MAML3: variants seen among roughly 807,000 people sequenced by gnomAD.
MAML3 encodes the protein mastermind like transcriptional coactivator 3, also known as mastermind-like protein 3.
MAML3 carries 27 observed loss-of-function variants against 101.9 expected under a neutral mutation model. That is an observed-to-expected ratio of 0.27 (90% CI 0.20 to 0.37). The LOEUF is 0.37. MAML3 is among the 10% of genes least tolerant of loss of function. MAML3 has a pLI of 1.00. For synonymous variants in MAML3, 501 were observed against 555.9 expected (o/e 0.90, Z 1.39); for missense variants, 1,316 against 1,444.9 (o/e 0.91, Z 1.45).
At chr4:140,134,089 A>G (rs1728842493) in intron 1 of MAML3, 2 of 456,676 alleles carry the variant, frequency 4.4e-6, no homozygotes, top group South Asian at 1.5e-5. Context: ...AGGACTGGCT[A>G]TCTATGACTG....
intron 1 of MAML3, among the ~76,000 whole-genome samples, chr4:140,140,575 A>T (rs1417528841): frequency 6.6e-6 from 1 of 152,180 alleles, no homozygotes; most frequent in African/African-American, 2.4e-5. Context: ...GAAGGAAGCA[A>T]TAAGATGCTA....
chr4:139,953,301 C>A (rs1280684038), intron 1 of MAML3, among the ~76,000 whole-genome samples: 1 of 152,112 alleles, frequency 6.6e-6, no homozygotes, highest in Non-Finnish European at 1.5e-5. Flanking sequence ...GAATTTGTAT[C>A]GTAGGCATAT....
chr4:139,793,288 C>T (rs1414738913), intron 2 of MAML3, among the ~76,000 whole-genome samples: 2 of 152,092 alleles, frequency 1.3e-5, no homozygotes, highest in Admixed American at 6.6e-5. Context: ...TGTGACTGTG[C>T]GAACTCCCCG....
chr4:139,743,265 C>A (rs1729220518), intron 2 of MAML3, among the ~76,000 whole-genome samples: 1 of 152,206 alleles, frequency 6.6e-6, no homozygotes, highest in South Asian at 2.1e-4. Flanking sequence ...ACAGGAGGGG[C>A]AGGGTGATTA....
At chr4:139,839,878 C>T (rs1578625975) in intron 2 of MAML3, among the ~76,000 whole-genome samples, 1 of 152,088 alleles carries the variant, frequency 6.6e-6, no homozygotes, top group East Asian at 1.9e-4. Flanking sequence ...GCTGTGGAGG[C>T]TGCAGCTGCT....
At chr4:139,935,475 C>T (rs1054491288) in intron 1 of MAML3, among the ~76,000 whole-genome samples, 1 of 152,064 alleles carries the variant, frequency 6.6e-6, no homozygotes, top group Non-Finnish European at 1.5e-5. Flanking sequence ...GTTACTTGGG[C>T]AGTATCTTAA....
At chr4:139,898,846 G>A (rs931616923) in intron 1 of MAML3, among the ~76,000 whole-genome samples, 1 of 152,200 alleles carries the variant, frequency 6.6e-6, no homozygotes, top group African/African-American at 2.4e-5. Context: ...ATATTTTAAT[G>A]AGTAGAATAG....
intron 1 of MAML3, among the ~76,000 whole-genome samples, chr4:140,002,509 C>T (rs1734942835): frequency 6.6e-6 from 1 of 152,158 alleles, no homozygotes; most frequent in African/African-American, 2.4e-5. Flanking sequence ...AACTTTCTAT[C>T]AAATTTATTT....
At chr4:139,977,707 T>C (rs1282774034) in intron 1 of MAML3, among the ~76,000 whole-genome samples, 1 of 151,920 alleles carries the variant, frequency 6.6e-6, no homozygotes, top group Non-Finnish European at 1.5e-5. Flanking sequence ...ACCCCGTCTC[T>C]ACTAAAAATA....
At chr4:139,883,580 A>AGG in intron 2 of MAML3, among the ~76,000 whole-genome samples, 1 of 152,290 alleles carries the variant, frequency 6.6e-6, no homozygotes, top group East Asian at 1.9e-4. Context: ...TATGTTTGTC[A>AGG]GGAGGTAGTA....
intron 2 of MAML3, among the ~76,000 whole-genome samples, chr4:139,834,791 C>G (rs956646516): frequency 1.2e-4 from 19 of 152,066 alleles, no homozygotes; most frequent in African/African-American, 4.6e-4. Context: ...CTGTATCAAC[C>G]ACGGAGATGT....
In MAML3 at chr4:139,934,107, CTA is replaced by C. The variant is rs768442928; in HGVS notation, c.469-43142_469-43141del. On this transcript the variant is annotated intron_variant, in intron 1 of 4. Coordinates refer to ENST00000509479, the MANE Select transcript of MAML3 (RefSeq NM_018717.5). The stretch of plus-strand genomic sequence containing the variant: ...TATGAATGTGTGAATGAGTGTGTGT[CTA>C]TGTGTGTGAATACGTGTATGTGTGA... 5.1e-4 allele frequency among the ~76,000 whole-genome samples: 78 copies of C among 151,560 alleles called. 1 individual carries two copies. Among genetic ancestry groups the C allele is most frequent in the South Asian group, 6.3e-4 (3 of 4,786 alleles).
intron 2 of MAML3, among the ~76,000 whole-genome samples, chr4:139,783,654 C>A (rs536514062): frequency 6.6e-6 from 1 of 152,202 alleles, no homozygotes; most frequent in African/African-American, 2.4e-5. Context: ...GACTGTCTCT[C>A]GGCATCATTC....
chr4:140,146,256 C>T (rs1023256400), intron 1 of MAML3, among the ~76,000 whole-genome samples: 4 of 152,272 alleles, frequency 2.6e-5, no homozygotes, highest in East Asian at 3.9e-4. Flanking sequence ...CCTATCCATG[C>T]GTGCATGCGG....
At chr4:140,152,456 G>A (rs1335213111) in intron 1 of MAML3, among the ~76,000 whole-genome samples, 1 of 152,110 alleles carries the variant, frequency 6.6e-6, no homozygotes, top group Non-Finnish European at 1.5e-5. Flanking sequence ...GGGGAGGCGA[G>A]GCGGCGCGGC....
At chr4:139,985,338 A>C (rs1467865265) in intron 1 of MAML3, among the ~76,000 whole-genome samples, 1 of 152,244 alleles carries the variant, frequency 6.6e-6, no homozygotes, top group Non-Finnish European at 1.5e-5. Context: ...GGAAAACCTG[A>C]TCATGACCAT....
intron 1 of MAML3, among the ~76,000 whole-genome samples, chr4:140,059,075 A>C (rs1156377576): frequency 6.6e-6 from 1 of 152,216 alleles, no homozygotes; most frequent in Non-Finnish European, 1.5e-5. Flanking sequence ...TGCAGAGCAG[A>C]ATCAGAAGGC....
At chr4:139,898,808 T>C (rs1732661408) in intron 1 of MAML3, among the ~76,000 whole-genome samples, 1 of 152,230 alleles carries the variant, frequency 6.6e-6, no homozygotes, top group Non-Finnish European at 1.5e-5. Flanking sequence ...GCTTATGTAA[T>C]GAATGACCCA....
At chr4:140,045,134 G>A (rs1315709388) in intron 1 of MAML3, among the ~76,000 whole-genome samples, 1 of 152,170 alleles carries the variant, frequency 6.6e-6, no homozygotes, top group Non-Finnish European at 1.5e-5. Flanking sequence ...AGTGGCTCAT[G>A]CCTGTAATCC....
Sources: gnomAD v4.1 joint callset for allele counts (sites outside exome capture counted in the v4.1 genomes callset) on GRCh38, gnomAD v4.1.1 for gene constraint, MANE v1.5 for transcripts, NCBI Gene and HGNC (gene_info 2026-07-23, HGNC 2026-07-21) for gene names.